DOK6: variants seen among roughly 807,000 people sequenced by gnomAD.
DOK6 encodes docking protein 6.
DOK6 carries 22 observed loss-of-function variants against 44.0 expected under a neutral mutation model. That is an observed-to-expected ratio of 0.50 (90% CI 0.36 to 0.71). DOK6 has a LOEUF of 0.71. Ranked by LOEUF, DOK6 falls within the 30% of genes least tolerant of loss-of-function variation. The pLI, the probability that DOK6 is intolerant of heterozygous loss-of-function variation, is 0.00. For synonymous variants in DOK6, 166 were observed against 145.5 expected, an observed-to-expected ratio of 1.14 and a Z score of -1.01; for missense variants, 340 against 416.4, an observed-to-expected ratio of 0.82 and a Z score of 1.60.
intron 7 of DOK6, among the ~76,000 whole-genome samples, chr18:69,835,484 CAAAA>C (rs5825973): frequency 1.0e-3 from 154 of 148,452 alleles, no homozygotes; most frequent in East Asian, 5.2e-3. Context: ...ACAACAACAA[CAAAA>C]AAAAAAACAG....
chr18:69,431,401 G>C (rs1978803436), intron 1 of DOK6, among the ~76,000 whole-genome samples: 2 of 152,240 alleles, frequency 1.3e-5, no homozygotes, highest in East Asian at 1.9e-4. Flanking sequence ...AGCAACTCTA[G>C]GCAAGAGTGG....
chr18:69,456,201 A>G (rs1269160072), intron 1 of DOK6, among the ~76,000 whole-genome samples: 2 of 152,084 alleles, frequency 1.3e-5, no homozygotes, highest in Non-Finnish European at 2.9e-5. Flanking sequence ...CCTAAATTTC[A>G]ACTTTTATTT....
At chr18:69,430,922 C>T (rs1443603868) in intron 1 of DOK6, among the ~76,000 whole-genome samples, 1 of 152,092 alleles carries the variant, frequency 6.6e-6, no homozygotes, top group Admixed American at 6.6e-5. Context: ...GCTGAGATTG[C>T]GCCACTGCAC....
intron 3 of DOK6, among the ~76,000 whole-genome samples, chr18:69,654,106 A>C (rs1985301582): frequency 6.6e-6 from 1 of 152,244 alleles, no homozygotes; most frequent in African/African-American, 2.4e-5. Flanking sequence ...TTGATTAAAA[A>C]CAGTTGAGGA....
At chr18:69,761,745 T>C (rs1164377856) in intron 7 of DOK6, among the ~76,000 whole-genome samples, 1 of 152,110 alleles carries the variant, frequency 6.6e-6, no homozygotes, top group Non-Finnish European at 1.5e-5. Context: ...AGGGTGACTC[T>C]TGAATATTGA....
chr18:69,492,831 A>G lies in DOK6; in HGVS notation c.67-71656A>G, dbSNP rs188146846. Among the ~76,000 whole-genome samples the G allele has an allele frequency of 3.3e-4, 30 of 89,856 alleles. 2 individuals carry two copies. The highest frequency in any genetic ancestry group is 2.8e-3 in the Admixed American group (26 of 9,226). The allele number at this position is 89,856 out of a possible 152,430, so 58.9% of individuals were successfully genotyped here. A position where few individuals can be genotyped will look rare whatever the true frequency, so the allele number is the denominator to read the frequency against. The stretch of plus-strand genomic sequence containing the variant: ...CAGTCCACCATTGGTGGGCTTTTTT[A>G]TAGCTTTGGATTTTTAAGGATGGTG... On this transcript the variant is annotated intron_variant, in intron 1 of 7. Coordinates refer to ENST00000382713, the MANE Select transcript of DOK6 (RefSeq NM_152721.6).
intron 1 of DOK6, among the ~76,000 whole-genome samples, chr18:69,494,486 C>T (rs1980825537): frequency 6.6e-6 from 1 of 151,260 alleles, no homozygotes; most frequent in Non-Finnish European, 1.5e-5. Context: ...AAAAAACAAA[C>T]AAACAAAAAA....
chr18:69,630,739 T>C (rs1261576388), intron 3 of DOK6, among the ~76,000 whole-genome samples: 1 of 152,234 alleles, frequency 6.6e-6, no homozygotes, highest in East Asian at 1.9e-4. Flanking sequence ...TGTTGAATGG[T>C]CAAATTATAC....
chr18:69,688,570 T>A (rs1407679571), intron 4 of DOK6, among the ~76,000 whole-genome samples: 1 of 152,246 alleles, frequency 6.6e-6, no homozygotes, highest in Non-Finnish European at 1.5e-5. Flanking sequence ...TTGCCCAGGC[T>A]GGAGTGCAGT....
chr18:69,627,084 T>C (rs529960685), intron 3 of DOK6, among the ~76,000 whole-genome samples: 1 of 152,302 alleles, frequency 6.6e-6, no homozygotes, highest in African/African-American at 2.4e-5. Context: ...AGACGGGCAG[T>C]CATTGAAGGG....
chr18:69,432,331 C>A (rs1978829219), intron 1 of DOK6, among the ~76,000 whole-genome samples: 1 of 152,124 alleles, frequency 6.6e-6, no homozygotes, highest in African/African-American at 2.4e-5. Flanking sequence ...GTAGTCCCAG[C>A]TACTTGGGAT....
chr18:69,789,058 T>C (rs1372398928), intron 7 of DOK6, among the ~76,000 whole-genome samples: 1 of 152,200 alleles, frequency 6.6e-6, no homozygotes. Flanking sequence ...TGTTTTGTTA[T>C]TACTTTTTAA....
chr18:69,489,462 A>C (rs1252544378), intron 1 of DOK6, among the ~76,000 whole-genome samples: 3 of 152,156 alleles, frequency 2.0e-5, no homozygotes. Flanking sequence ...GCTTGAAATC[A>C]GCCATAGTGG....
chr18:69,418,762 A>G (rs1003174743), intron 1 of DOK6, among the ~76,000 whole-genome samples: 1 of 152,044 alleles, frequency 6.6e-6, no homozygotes, highest in African/African-American at 2.4e-5. Flanking sequence ...ATAAGCCATT[A>G]TGCCTAGCCT....
intron 1 of DOK6, among the ~76,000 whole-genome samples, chr18:69,491,084 G>A (rs2072827741): frequency 6.6e-6 from 1 of 152,114 alleles, no homozygotes; most frequent in African/African-American, 2.4e-5. Flanking sequence ...ATCTGCAATG[G>A]CATGGTATAT....
At chr18:69,713,729 C>T (rs912618921) in intron 5 of DOK6, among the ~76,000 whole-genome samples, 5 of 152,188 alleles carry the variant, frequency 3.3e-5, no homozygotes, top group Admixed American at 6.5e-5. Flanking sequence ...AATTATCTTA[C>T]TCAAAGGGGT....
At chr18:69,446,534 T>G (rs1009537120) in intron 1 of DOK6, among the ~76,000 whole-genome samples, 1 of 152,152 alleles carries the variant, frequency 6.6e-6, no homozygotes, top group African/African-American at 2.4e-5. Flanking sequence ...CATGTGTCTT[T>G]ATAGCAGCAT....
At chr18:69,832,993 G>A (rs1981945144) in intron 7 of DOK6, among the ~76,000 whole-genome samples, 1 of 152,088 alleles carries the variant, frequency 6.6e-6, no homozygotes, top group Non-Finnish European at 1.5e-5. Context: ...ACTACCCAAA[G>A]CAATCTACAG....
intron 7 of DOK6, among the ~76,000 whole-genome samples, chr18:69,768,109 T>TAATCA (rs200546239): frequency 1.3e-5 from 2 of 152,318 alleles, no homozygotes; most frequent in East Asian, 3.9e-4. Flanking sequence ...AGTTCTCTAT[T>TAATCA]AATCAAATTT....
Sources: gnomAD v4.1 joint callset for allele counts (sites outside exome capture counted in the v4.1 genomes callset) on GRCh38, gnomAD v4.1.1 for gene constraint, MANE v1.5 for transcripts, NCBI Gene and HGNC (gene_info 2026-07-23, HGNC 2026-07-21) for gene names.